The following TNR variants were observed in gnomAD, a reference collection of about 807,000 sequenced individuals.
The protein encoded by TNR is tenascin R.
Under a neutral mutation model 150.4 loss-of-function variants are expected in TNR, and 45 were observed. The ratio of observed to expected loss-of-function variants is 0.30; its 90% CI spans 0.24 to 0.38. TNR has a LOEUF of 0.38. Among genes scored for constraint, TNR ranks in the 10% least tolerant of loss-of-function variants. The pLI is 1.00. For missense variants in TNR, 1,544 were observed against 1,759.1 expected, an observed-to-expected ratio of 0.88 and a Z score of 2.19; for synonymous variants, 687 against 678.4, an observed-to-expected ratio of 1.01 and a Z score of -0.20.
rs1650204109 is a variant in TNR at position 175,335,634 on chromosome 1, C to G, written c.3631+77G>C. 3 of 1,408,992 alleles carry G rather than the reference C, an allele frequency of 2.1e-6. No homozygotes were observed. In the South Asian group the frequency reaches 3.7e-5, roughly 17 times the overall value. 87.3% of individuals were successfully genotyped at this position (1,408,992 alleles called of 1,614,324 possible). A position where few individuals can be genotyped will look rare whatever the true frequency, so the allele number is the denominator to read the frequency against. ...ACAAACACAGGGTTTCTGATAATCT[C>G]AGATGGACACAAAAAGGAGAGAGAT... is the stretch of plus-strand genomic sequence containing the variant. On this transcript the variant is annotated intron_variant, in intron 20 of 22. Transcript: ENST00000367674.
chr1:175,728,548 A>G (rs905452920), intron 1 of TNR, among the ~76,000 whole-genome samples: 1 of 152,236 alleles, frequency 6.6e-6, no homozygotes, highest in Non-Finnish European at 1.5e-5. Flanking sequence ...GCAGAGGCCT[A>G]TAACTTGTTT....
intron 1 of TNR, among the ~76,000 whole-genome samples, chr1:175,556,315 A>G (rs1661158132): frequency 6.6e-6 from 1 of 152,258 alleles, no homozygotes; most frequent in African/African-American, 2.4e-5. Flanking sequence ...ATAGCACAAC[A>G]CAAGTAATGT....
chr1:175,625,695 T>C (rs1664130078), intron 1 of TNR, among the ~76,000 whole-genome samples: 1 of 152,200 alleles, frequency 6.6e-6, no homozygotes, highest in African/African-American at 2.4e-5. Flanking sequence ...GAGCAGGCAC[T>C]GCAGAAGTTG....
intron 1 of TNR, among the ~76,000 whole-genome samples, chr1:175,676,628 C>T (rs1221744063): frequency 1.3e-5 from 2 of 152,128 alleles, no homozygotes; most frequent in Non-Finnish European, 2.9e-5. Flanking sequence ...CCAGCAACAA[C>T]CAAAAATGCT....
At chr1:175,523,340 C>A (rs182779288) in intron 2 of TNR, among the ~76,000 whole-genome samples, 1 of 152,278 alleles carries the variant, frequency 6.6e-6, no homozygotes, top group East Asian at 1.9e-4. Context: ...AAATGATGAG[C>A]ACTTATACAT....
At chr1:175,502,856 T>G (rs939924811) in intron 2 of TNR, among the ~76,000 whole-genome samples, 1 of 152,136 alleles carries the variant, frequency 6.6e-6, no homozygotes, top group African/African-American at 2.4e-5. Context: ...TCAGAAGGTA[T>G]GAAAGACATG....
At chr1:175,510,829 C>T (rs1008384379) in intron 2 of TNR, among the ~76,000 whole-genome samples, 1 of 152,054 alleles carries the variant, frequency 6.6e-6, no homozygotes, top group Non-Finnish European at 1.5e-5. Context: ...GTGATAGTAT[C>T]CTAGAACTGG....
At chr1:175,661,286 G>A (rs897426670) in intron 1 of TNR, among the ~76,000 whole-genome samples, 2 of 152,196 alleles carry the variant, frequency 1.3e-5, no homozygotes, top group African/African-American at 4.8e-5. Context: ...ACTTCACAAG[G>A]AGCAGGAATG....
intron 1 of TNR, among the ~76,000 whole-genome samples, chr1:175,699,965 CAAG>C (rs1342943065): frequency 1.3e-5 from 2 of 151,924 alleles, no homozygotes; most frequent in East Asian, 3.9e-4. Context: ...CTGGGTCCTA[CAAG>C]AAGCAGAAGG....
intron 1 of TNR, among the ~76,000 whole-genome samples, chr1:175,612,688 A>G (rs908069403): frequency 4.6e-5 from 7 of 152,216 alleles, no homozygotes; most frequent in African/African-American, 1.7e-4. Flanking sequence ...CGTATCCTTA[A>G]TCTTTCTGTG....
intron 1 of TNR, among the ~76,000 whole-genome samples, chr1:175,569,210 A>G (rs1177286068): frequency 6.6e-6 from 1 of 152,170 alleles, no homozygotes; most frequent in Non-Finnish European, 1.5e-5. Context: ...TTATTTAATT[A>G]GAGGCACATG....
chr1:175,413,039 T>G (rs951644939), intron 2 of TNR, among the ~76,000 whole-genome samples: 2 of 152,190 alleles, frequency 1.3e-5, no homozygotes, highest in African/African-American at 4.8e-5. Flanking sequence ...TTTTTCTTTT[T>G]TTTTGAGTCA....
chr1:175,479,739 T>C (rs1557959282), intron 2 of TNR, among the ~76,000 whole-genome samples: 1 of 152,150 alleles, frequency 6.6e-6, no homozygotes, highest in Non-Finnish European at 1.5e-5. Flanking sequence ...ATATGTGGGC[T>C]TCTGAAGATC....
intron 2 of TNR, among the ~76,000 whole-genome samples, chr1:175,500,194 T>C (rs1247000082): frequency 6.6e-6 from 1 of 152,190 alleles, no homozygotes; most frequent in Non-Finnish European, 1.5e-5. Flanking sequence ...AGGAGGGTTT[T>C]TTTAAGGATA....
intron 1 of TNR, among the ~76,000 whole-genome samples, chr1:175,530,740 G>A (rs781327905): frequency 6.8e-6 from 1 of 146,424 alleles, no homozygotes; most frequent in African/African-American, 2.5e-5. Context: ...TTTCTCCATT[G>A]CTTGCCTCTC....
chr1:175,492,606 C>G (rs529287029), intron 2 of TNR, among the ~76,000 whole-genome samples: 1 of 152,060 alleles, frequency 6.6e-6, no homozygotes, highest in South Asian at 2.1e-4. Context: ...TTTTGGGGGG[C>G]CTGAGAGAGT....
chr1:175,639,457 C>T (rs541574661), intron 1 of TNR, among the ~76,000 whole-genome samples: 19 of 152,290 alleles, frequency 1.2e-4, no homozygotes, highest in African/African-American at 3.8e-4. Context: ...CACTGAGGTG[C>T]CCTTCTATGC....
intron 2 of TNR, among the ~76,000 whole-genome samples, chr1:175,430,588 A>G (rs1292708459): frequency 1.3e-5 from 2 of 152,190 alleles, no homozygotes; most frequent in African/African-American, 2.4e-5. Context: ...TTTTTATCTG[A>G]CAGGTGAGAA....
chr1:175,539,501 A>T (rs1353719362), intron 1 of TNR, among the ~76,000 whole-genome samples: 1 of 152,220 alleles, frequency 6.6e-6, no homozygotes, highest in Admixed American at 6.5e-5. Flanking sequence ...AGTTTCAGAA[A>T]TCGGAAAGAT....
Sources: allele counts gnomAD v4.1 joint callset (sites outside exome capture counted in the v4.1 genomes callset), GRCh38; gene constraint gnomAD v4.1.1; transcripts MANE v1.5; gene names NCBI Gene and HGNC (gene_info 2026-07-23, HGNC 2026-07-21).